MYO1D: variants seen among roughly 807,000 people sequenced by gnomAD.
MYO1D encodes the protein myosin ID, also known as unconventional myosin-Id.
Under a neutral mutation model 122.0 loss-of-function variants are expected in MYO1D, and 83 were observed. The observed-to-expected ratio is 0.68, with a 90% CI of 0.57 to 0.82. The LOEUF (loss-of-function observed/expected upper bound fraction) is 0.82, where lower values mean the gene tolerates loss of function less well. Among genes scored for constraint, MYO1D ranks in the 40% least tolerant of loss-of-function variants. The probability of loss-of-function intolerance (pLI) is 0.00; values close to 1 mark genes in which losing one functional copy is unlikely to be tolerated. For synonymous variants in MYO1D, 464 were observed against 446.9 expected (o/e 1.04, Z -0.48); for missense variants, 1,157 against 1,269.5 (o/e 0.91, Z 1.35).
chr17:32,574,264 G>A (rs2087258224), intron 21 of MYO1D, among the ~76,000 whole-genome samples: 1 of 151,752 alleles, frequency 6.6e-6, no homozygotes, highest in Non-Finnish European at 1.5e-5. Context: ...TTAGCATCTA[G>A]TATAAGTGAA....
At chr17:32,572,542 T>C (rs1162803609) in intron 21 of MYO1D, among the ~76,000 whole-genome samples, 25 of 152,150 alleles carry the variant, frequency 1.6e-4, no homozygotes, top group Non-Finnish European at 3.7e-4. Context: ...CTTGCTATAA[T>C]CCACCCTCCA....
At chr17:32,781,546 T>G (rs2151029791) in intron 1 of MYO1D, among the ~76,000 whole-genome samples, 1 of 152,258 alleles carries the variant, frequency 6.6e-6, no homozygotes, top group South Asian at 2.1e-4. Flanking sequence ...TAAAATAGGG[T>G]TAAAAATCTA....
At chr17:32,652,165 A>C (rs1213163690) in intron 19 of MYO1D, among the ~76,000 whole-genome samples, 1 of 152,152 alleles carries the variant, frequency 6.6e-6, no homozygotes, top group Non-Finnish European at 1.5e-5. Context: ...TTCTTAGATT[A>C]AGTGGTATGA....
intron 20 of MYO1D, among the ~76,000 whole-genome samples, 180 bp from the exon 21 acceptor site, chr17:32,605,421 A>G (rs979450989): frequency 6.6e-6 from 1 of 152,196 alleles, no homozygotes; most frequent in Admixed American, 6.5e-5. Context: ...ATAACGAGAC[A>G]CCATCCCTAA....
At chr17:32,759,162 G>C (rs1416722218) in intron 10 of MYO1D, among the ~76,000 whole-genome samples, 2 of 152,012 alleles carry the variant, frequency 1.3e-5, no homozygotes, top group Non-Finnish European at 2.9e-5. Flanking sequence ...TATTAGGAGA[G>C]TTCATTATTT....
At chr17:32,500,603 A>T (rs1378923287) in intron 21 of MYO1D, among the ~76,000 whole-genome samples, 1 of 152,130 alleles carries the variant, frequency 6.6e-6, no homozygotes, top group African/African-American at 2.4e-5. Context: ...TGAGCTCACC[A>T]CCGAACAACA....
chr17:32,787,844 A>G (rs1339803742), intron 1 of MYO1D, among the ~76,000 whole-genome samples: 1 of 152,180 alleles, frequency 6.6e-6, no homozygotes, highest in African/African-American at 2.4e-5. Context: ...AGAACATATG[A>G]TATTTGGCTT....
intron 16 of MYO1D, among the ~76,000 whole-genome samples, chr17:32,663,374 A>G (rs964431814): frequency 1.2e-4 from 19 of 152,136 alleles, no homozygotes; most frequent in African/African-American, 4.3e-4. Flanking sequence ...TCTTCCACCT[A>G]TAACATGGAC....
chr17:32,544,189 G>A (rs1437082991), intron 21 of MYO1D, among the ~76,000 whole-genome samples: 9 of 148,168 alleles, frequency 6.1e-5, no homozygotes, highest in Non-Finnish European at 1.2e-4. Context: ...TTGACCTCCC[G>A]CACTCAGGTG....
intron 16 of MYO1D, among the ~76,000 whole-genome samples, chr17:32,677,592 T>A (rs1360926257): frequency 6.2e-5 from 1 of 16,036 alleles, no homozygotes; most frequent in African/African-American, 1.7e-4. Flanking sequence ...TATATATATA[T>A]ATATATATAT....
intron 21 of MYO1D, chr17:32,594,098 A>C (rs1249775086): frequency 6.6e-6 from 1 of 152,590 alleles, no homozygotes; most frequent in African/African-American, 2.4e-5. Context: ...AGAATTACAT[A>C]TATTTAGTTA....
intron 1 of MYO1D, among the ~76,000 whole-genome samples, chr17:32,841,580 A>T (rs1377362331): frequency 2.0e-5 from 3 of 152,170 alleles, no homozygotes; most frequent in Non-Finnish European, 4.4e-5. Flanking sequence ...ATTCAGATAA[A>T]ATAATAGGTG....
intron 16 of MYO1D, chr17:32,684,090 C>G (rs933675205): frequency 1.3e-5 from 2 of 152,710 alleles, no homozygotes; most frequent in African/African-American, 4.8e-5. Context: ...GGCAATGCCT[C>G]GCCCTGCTTC....
At chr17:32,730,001 C>T (rs952913996) in intron 14 of MYO1D, among the ~76,000 whole-genome samples, 1 of 152,084 alleles carries the variant, frequency 6.6e-6, no homozygotes, top group African/African-American at 2.4e-5. Flanking sequence ...CATTTACATT[C>T]AATGTAATTA....
intron 11 of MYO1D, among the ~76,000 whole-genome samples, chr17:32,752,661 T>C (rs184795398): frequency 6.6e-6 from 1 of 152,068 alleles, no homozygotes; most frequent in African/African-American, 2.4e-5. Flanking sequence ...CAACAAACAT[T>C]TGAAAAAATG....
chr17:32,495,044 T>G, intron 21 of MYO1D, 129 bp from the exon 22 acceptor site: 1 of 1,189,864 alleles, frequency 8.4e-7, no homozygotes. Flanking sequence ...GGAGGATGCC[T>G]GAAGGGCCCC....
intron 1 of MYO1D, among the ~76,000 whole-genome samples, chr17:32,795,216 GA>G (rs1052583917): frequency 7.2e-5 from 11 of 152,208 alleles, no homozygotes; most frequent in Admixed American, 5.9e-4. Context: ...TTCTCTCATA[GA>G]ATTAAACCCG....
intron 21 of MYO1D, among the ~76,000 whole-genome samples, chr17:32,590,206 C>G (rs2087426602): frequency 6.6e-6 from 1 of 152,144 alleles, no homozygotes; most frequent in Non-Finnish European, 1.5e-5. Context: ...TGCTACAGCC[C>G]CTTTGGTCCC....
chr17:32,514,307 G>A lies in MYO1D; in HGVS notation c.2865-19392C>T, dbSNP rs185536630. Among the ~76,000 whole-genome samples, 200 of 148,912 alleles carry A rather than the reference G, an allele frequency of 1.3e-3. 1 individual carries two copies. The highest frequency in any genetic ancestry group is 4.8e-3 in the African/African-American group (194 of 40,560). ...AGGGTTTTCCTATGTTGCCCTGGCTGGTCTTGAACTCCTGGGCTCAAGCCA... is the reference window on the plus strand; with the variant it reads ...AGGGTTTTCCTATGTTGCCCTGGCTAGTCTTGAACTCCTGGGCTCAAGCCA... On this transcript the variant is annotated intron_variant, in intron 21 of 21. Transcript: ENST00000318217.
Sources: allele counts gnomAD v4.1 joint callset (sites outside exome capture counted in the v4.1 genomes callset), GRCh38; gene constraint gnomAD v4.1.1; transcripts MANE v1.5; gene names NCBI Gene and HGNC (gene_info 2026-07-23, HGNC 2026-07-21).